The following CRACD variants were observed in gnomAD, a reference collection of about 807,000 sequenced individuals.
CRACD encodes capping protein inhibiting regulator of actin dynamics.
CRACD carries 56 observed loss-of-function variants against 106.8 expected under a neutral mutation model. The observed-to-expected ratio is 0.52, with a 90% confidence interval of 0.42 to 0.66. CRACD has a LOEUF of 0.66. Among genes scored for constraint, CRACD ranks in the 30% least tolerant of loss-of-function variants. CRACD has a pLI of 0.00. For synonymous variants in CRACD, 754 were observed against 670.8 expected (o/e 1.12, Z -1.92); for missense variants, 1,730 against 1,623.2 (o/e 1.07, Z -1.13).
intron 2 of CRACD, among the ~76,000 whole-genome samples, chr4:56,234,059 C>T (rs1337697590): frequency 6.6e-6 from 1 of 152,026 alleles, no homozygotes; most frequent in African/African-American, 2.4e-5. Flanking sequence ...CTCACTAGAT[C>T]TAGTAGACTC....
intron 2 of CRACD, among the ~76,000 whole-genome samples, chr4:56,257,361 C>T (rs919331363): frequency 1.3e-5 from 2 of 151,878 alleles, no homozygotes; most frequent in East Asian, 1.9e-4. Context: ...GGATTACAGG[C>T]GTGAGCCACC....
intron 1 of CRACD, among the ~76,000 whole-genome samples, chr4:56,144,693 T>C (rs1484197707): frequency 6.6e-6 from 1 of 151,732 alleles, no homozygotes; most frequent in East Asian, 1.9e-4. Flanking sequence ...TCTTGCTTTG[T>C]TGCCCAGGCT....
chr4:56,174,160 A>G (rs1305163823), intron 1 of CRACD, among the ~76,000 whole-genome samples: 2 of 152,078 alleles, frequency 1.3e-5, no homozygotes, highest in Admixed American at 6.6e-5. Context: ...TTGATTTTTA[A>G]ATTTTTAATG....
At chr4:56,271,541 G>A (rs1056070182) in intron 2 of CRACD, among the ~76,000 whole-genome samples, 5 of 151,908 alleles carry the variant, frequency 3.3e-5, no homozygotes, top group Admixed American at 1.3e-4. Context: ...CCCTCAAACT[G>A]GAGATATGTA....
intron 1 of CRACD, among the ~76,000 whole-genome samples, chr4:56,050,777 G>A (rs1354033207): frequency 1.3e-5 from 2 of 152,162 alleles, no homozygotes; most frequent in Non-Finnish European, 2.9e-5. Context: ...CATGTTACTG[G>A]ATCGCCCTTT....
intron 1 of CRACD, among the ~76,000 whole-genome samples, chr4:56,051,846 T>C (rs979096977): frequency 2.0e-5 from 3 of 152,220 alleles, no homozygotes; most frequent in Admixed American, 6.5e-5. Flanking sequence ...CTTTACTGGC[T>C]ACTAGCTCTG....
intron 1 of CRACD, among the ~76,000 whole-genome samples, chr4:56,135,939 C>T (rs1336261558): frequency 6.6e-6 from 1 of 152,172 alleles, no homozygotes; most frequent in Non-Finnish European, 1.5e-5. Flanking sequence ...TACTCACACC[C>T]TAGAAAACAA....
chr4:56,158,421 A>C (rs1184461497), intron 1 of CRACD, among the ~76,000 whole-genome samples: 1 of 152,192 alleles, frequency 6.6e-6, no homozygotes. Flanking sequence ...TAAAGGAAAG[A>C]ACAAAGATCA....
chr4:56,057,070 A>AT (rs1382010861), intron 1 of CRACD, among the ~76,000 whole-genome samples: 2 of 152,120 alleles, frequency 1.3e-5, no homozygotes, highest in Non-Finnish European at 2.9e-5. Context: ...TAATGTTACC[A>AT]TTTTTTTACT....
At chr4:56,077,083 A>G (rs1314125918) in intron 1 of CRACD, among the ~76,000 whole-genome samples, 2 of 152,188 alleles carry the variant, frequency 1.3e-5, no homozygotes, top group Admixed American at 1.3e-4. Flanking sequence ...ACAGTGTGAT[A>G]TTAGTCCATT....
chr4:56,063,921 A>G (rs1337759810), intron 1 of CRACD, among the ~76,000 whole-genome samples: 1 of 152,196 alleles, frequency 6.6e-6, no homozygotes, highest in Non-Finnish European at 1.5e-5. Context: ...GACCTGCTAA[A>G]GTGTTTTCTG....
At chr4:56,104,763 C>T (rs187343515) in intron 1 of CRACD, among the ~76,000 whole-genome samples, 59 of 151,746 alleles carry the variant, frequency 3.9e-4, no homozygotes, top group African/African-American at 1.4e-3. Context: ...GTCAGGAGAT[C>T]GAGACCATCC....
chr4:56,214,474 C>A (rs1485740260), intron 2 of CRACD, among the ~76,000 whole-genome samples: 19 of 151,772 alleles, frequency 1.3e-4, no homozygotes, highest in African/African-American at 4.4e-4. Flanking sequence ...TGCCTGTAAT[C>A]CCAGCTACTT....
intron 1 of CRACD, among the ~76,000 whole-genome samples, chr4:56,106,376 C>G (rs1204289469): frequency 6.6e-6 from 1 of 152,086 alleles, no homozygotes; most frequent in Non-Finnish European, 1.5e-5. Context: ...AGTGTTGATC[C>G]TACGCTAAAG....
intron 10 of CRACD, among the ~76,000 whole-genome samples, chr4:56,326,263 ACCG>A: frequency 9.3e-6 from 1 of 107,930 alleles, no homozygotes; most frequent in Admixed American, 1.1e-4. Context: ...TTTCTTAAGA[ACCG>A]CAGGCAGGCA....
intron 1 of CRACD, among the ~76,000 whole-genome samples, chr4:56,070,184 C>G (rs1732590719): frequency 6.6e-6 from 1 of 152,152 alleles, no homozygotes; most frequent in South Asian, 2.1e-4. Context: ...CAGGTGTGAT[C>G]TCTGCTCAGG....
At chr4:56,240,699 G>C (rs1329057710) in intron 2 of CRACD, among the ~76,000 whole-genome samples, 2 of 152,104 alleles carry the variant, frequency 1.3e-5, no homozygotes. Context: ...GGATCTTGCT[G>C]TATTGCCCAG....
At chr4:56,169,425 A>G (rs573950149) in intron 1 of CRACD, among the ~76,000 whole-genome samples, 1 of 152,286 alleles carries the variant, frequency 6.6e-6, no homozygotes, top group South Asian at 2.1e-4. Context: ...TTTACCTCCC[A>G]TGCCCAGAGA....
At chr4:56,270,959 G>C (rs549767399) in intron 2 of CRACD, among the ~76,000 whole-genome samples, 283 of 151,404 alleles carry the variant, frequency 1.9e-3, no homozygotes, top group African/African-American at 5.9e-3. Context: ...CACAAAGTTA[G>C]CCAGGCGTGG....
Sources: allele counts gnomAD v4.1 joint callset (sites outside exome capture counted in the v4.1 genomes callset), GRCh38; gene constraint gnomAD v4.1.1; transcripts MANE v1.5; gene names NCBI Gene and HGNC (gene_info 2026-07-23, HGNC 2026-07-21).